Variants in CFAP97 observed in about 807,000 individuals in gnomAD.
CFAP97 encodes cilia and flagella associated protein 97, also known as cilia- and flagella-associated protein 97.
CFAP97 carries 36 observed loss-of-function variants against 43.1 expected under a neutral mutation model. That is an observed-to-expected ratio of 0.84 (90% CI 0.64 to 1.10). The LOEUF (loss-of-function observed/expected upper bound fraction) is 1.10, where lower values mean the gene tolerates loss of function less well. CFAP97 is among the 50% of genes least tolerant of loss of function. The pLI is 0.00. For missense variants in CFAP97, 657 were observed against 620.3 expected (o/e 1.06, Z -0.63); for synonymous variants, 228 against 225.7 (o/e 1.01, Z -0.09).
chr4:185,192,673 T>C (rs1046744504), intron 1 of CFAP97, among the ~76,000 whole-genome samples: 3 of 151,992 alleles, frequency 2.0e-5, no homozygotes, highest in African/African-American at 7.3e-5. Flanking sequence ...ACATTATCTA[T>C]TACTGATAAG....
Position 185,160,469 on chromosome 4 carries a change from T to C in CFAP97, c.*2329A>G, listed in dbSNP as rs1734838569. 1 of 152,168 alleles carries C rather than the reference T, an allele frequency of 6.6e-6. No homozygotes were observed. Among genetic ancestry groups the C allele is most frequent in the South Asian group, 2.1e-4 (1 of 4,834 alleles). The allele number at this position is 152,168 out of a possible 1,614,324, so 9.4% of individuals were successfully genotyped here. The stretch of plus-strand genomic sequence containing the variant: ...CTTAAGTAATTCCTTCTTAAGAATG[T>C]CCCTTAAACTATAACAACTTCATAG... On this transcript the variant is annotated 3_prime_UTR_variant, in exon 5 of 5. Coordinates refer to ENST00000458385, the MANE Select transcript of CFAP97 (RefSeq NM_020827.3).
In CFAP97 at chr4:185,202,500, A is replaced by T. The variant is rs1010083995; in HGVS notation, c.-17+1398T>A. Among the ~76,000 whole-genome samples the T allele has an allele frequency of 5.3e-5, 8 of 151,806 alleles. No homozygotes were observed. The East Asian group carries it at 9.6e-4, about 18-fold the overall frequency. On this transcript the variant is annotated intron_variant, in intron 1 of 4. Coordinates refer to ENST00000458385, the MANE Select transcript of CFAP97 (RefSeq NM_020827.3). ...GGAGCTGAGGCTGCAGTGAGCCGAG[A>T]TCAGGCCACTGCACTCCAGCCTAGG...
chr4:185,198,301 G>C (rs1217814252), intron 1 of CFAP97, among the ~76,000 whole-genome samples: 1 of 151,944 alleles, frequency 6.6e-6, no homozygotes, highest in East Asian at 1.9e-4. Flanking sequence ...AAACCAGCCA[G>C]GTGTGGTGGC....
chr4:185,201,973 C>G (rs779311721), intron 1 of CFAP97, among the ~76,000 whole-genome samples: 1 of 152,182 alleles, frequency 6.6e-6, no homozygotes, highest in Non-Finnish European at 1.5e-5. Context: ...TATGCCTTTT[C>G]TCCTGTTAAT....
In CFAP97 at chr4:185,190,439, G is replaced by C; in HGVS notation, c.758C>G (p.Thr253Ser). Residue 253 changes from threonine (T) to serine (S), a missense_variant, in exon 2 of 5, where the codon ACT becomes AGT. Transcript: ENST00000458385. ...HYPEESEDTV[T>S]DVSPLSTPDI... ...TGGAGTTGATAAGGGACTTACGTCAGTCACAGTATCTTCAGACTCCTCAGG... is the reference window on the plus strand; with the variant it reads ...TGGAGTTGATAAGGGACTTACGTCACTCACAGTATCTTCAGACTCCTCAGG... The C allele has an allele frequency of 6.2e-7, 1 of 1,613,822 alleles. No individual in the cohort carries two copies. The highest frequency in any genetic ancestry group is 8.5e-7 in the Non-Finnish European group (1 of 1,179,804).
At chr4:185,193,462 T>C (rs935821752) in intron 1 of CFAP97, among the ~76,000 whole-genome samples, 162 of 152,072 alleles carry the variant, frequency 1.1e-3, no homozygotes, top group African/African-American at 3.9e-3. Flanking sequence ...CTGGCCAATA[T>C]AGTGAAACCC....
rs1320560248 is a variant in CFAP97, at chr4:185,160,788, CAG to C, written c.*2008_*2009del. The C allele has an allele frequency of 5.3e-5, 8 of 150,026 alleles. No homozygotes were observed. Among genetic ancestry groups the C allele is most frequent in the Admixed American group, 2.7e-4 (4 of 15,028 alleles). The allele number at this position is 150,026 out of a possible 1,614,324, so 9.3% of individuals were successfully genotyped here. A position where few individuals can be genotyped will look rare whatever the true frequency, so the allele number is the denominator to read the frequency against. ...CAACAAAGATAATATAAAATGTACT[CAG>C]AGACTAATGCCATTATGAACAGAAA... On this transcript the variant is annotated 3_prime_UTR_variant, in exon 5 of 5. Coordinates refer to ENST00000458385, the MANE Select transcript of CFAP97 (RefSeq NM_020827.3).
At chr4:185,168,037 T>C (rs1396614737) in intron 3 of CFAP97, among the ~76,000 whole-genome samples, 1 of 150,782 alleles carries the variant, frequency 6.6e-6, no homozygotes, top group South Asian at 2.1e-4. Context: ...TTAAAATTAG[T>C]GGTATTGTTA....
chr4:185,166,639 C>T (rs1735084692), intron 3 of CFAP97, among the ~76,000 whole-genome samples: 1 of 151,764 alleles, frequency 6.6e-6, no homozygotes, highest in Non-Finnish European at 1.5e-5. Context: ...AAAAGTAAAC[C>T]CATTCTGGAG....
chr4:185,181,998 T>C (rs902881587), intron 2 of CFAP97, among the ~76,000 whole-genome samples: 1 of 152,206 alleles, frequency 6.6e-6, no homozygotes, highest in African/African-American at 2.4e-5. Flanking sequence ...TGCTCATCAA[T>C]GCTTCTTCAA....
At chr4:185,192,733 CTTTTTTTTTTTTTTTT>C (rs760026667) in intron 1 of CFAP97, among the ~76,000 whole-genome samples, 1 of 81,412 alleles carries the variant, frequency 1.2e-5, no homozygotes, top group East Asian at 3.5e-4. Flanking sequence ...AATTGACCTT[CTTTTTTTTTTTTTTTT>C]TTTTTTTTTG....
In CFAP97 at chr4:185,160,150, T is replaced by C. The variant is rs543875462; in HGVS notation, c.*2648A>G. Reference sequence around the variant, plus strand: ...GGAGTAATAGCTAAGAAAACAGCTTTTTATGGAAACTGAAAAAGAGAGCAG... The same window carrying C: ...GGAGTAATAGCTAAGAAAACAGCTTCTTATGGAAACTGAAAAAGAGAGCAG... On this transcript the variant is annotated 3_prime_UTR_variant, in exon 5 of 5. Transcript: ENST00000458385. 7 of 152,298 alleles carry C rather than the reference T, an allele frequency of 4.6e-5. No homozygotes were observed. The highest frequency in any genetic ancestry group is 3.9e-4 in the Admixed American group (6 of 15,280). 9.4% of individuals were successfully genotyped at this position (152,298 alleles called of 1,614,324 possible).
At chr4:185,166,404 A>G (rs1735074924) in intron 3 of CFAP97, among the ~76,000 whole-genome samples, 1 of 152,182 alleles carries the variant, frequency 6.6e-6, no homozygotes, top group Non-Finnish European at 1.5e-5. Flanking sequence ...CTACACACTG[A>G]GCTGTGCAGG....
At chr4:185,192,733 C>CTTTTTTTTTT (rs760026667) in intron 1 of CFAP97, among the ~76,000 whole-genome samples, 21 of 81,420 alleles carry the variant, frequency 2.6e-4, no homozygotes, top group African/African-American at 8.7e-4. Flanking sequence ...AATTGACCTT[C>CTTTTTTTTTT]TTTTTTTTTT....
intron 3 of CFAP97, among the ~76,000 whole-genome samples, chr4:185,166,759 G>A (rs1482563339): frequency 6.6e-6 from 1 of 152,140 alleles, no homozygotes; most frequent in Non-Finnish European, 1.5e-5. Context: ...GTCCATCTGA[G>A]TGTTACATGA....
chr4:185,188,342 T>C (rs1204991238), intron 2 of CFAP97, among the ~76,000 whole-genome samples: 1 of 151,436 alleles, frequency 6.6e-6, no homozygotes, highest in African/African-American at 2.4e-5. Flanking sequence ...TATACACATA[T>C]ATACATTTTT....
At chr4:185,172,665 T>C (rs576371717) in intron 3 of CFAP97, among the ~76,000 whole-genome samples, 2 of 152,166 alleles carry the variant, frequency 1.3e-5, no homozygotes, top group African/African-American at 2.4e-5. Flanking sequence ...TGTGTCTCTG[T>C]GTGCTGAACA....
At chr4:185,169,873 A>G (rs762856815) in intron 3 of CFAP97, 38 of 986,070 alleles carry the variant, frequency 3.9e-5, no homozygotes, top group Non-Finnish European at 4.6e-5. Context: ...GAGATAACAG[A>G]CCTTAACCAG....
At position 185,160,554 on chromosome 4, in the gene CFAP97, T is replaced by C. The variant is rs1259596762; in HGVS notation, c.*2244A>G. 1.3e-5 allele frequency: 2 copies of C among 152,118 alleles called. No homozygotes were observed. The highest frequency in any genetic ancestry group is 2.9e-5 in the Non-Finnish European group (2 of 68,016). 9.4% of individuals were successfully genotyped at this position (152,118 alleles called of 1,614,324 possible). A position where few individuals can be genotyped will look rare whatever the true frequency, so the allele number is the denominator to read the frequency against. On this transcript the variant is annotated 3_prime_UTR_variant, in exon 5 of 5. Transcript: ENST00000458385. ...CCTATTTGTCTATTTATATTCATTATATATAAGTAACCATGACAACAGAAT... is the reference window on the plus strand; with the variant it reads ...CCTATTTGTCTATTTATATTCATTACATATAAGTAACCATGACAACAGAAT...
Sources: gnomAD v4.1 joint callset for allele counts (sites outside exome capture counted in the v4.1 genomes callset) on GRCh38, gnomAD v4.1.1 for gene constraint, MANE v1.5 for transcripts, NCBI Gene and HGNC (gene_info 2026-07-23, HGNC 2026-07-21) for gene names.